The following TTC39A variants were observed in gnomAD, a reference collection of about 807,000 sequenced individuals.
TTC39A encodes the protein tetratricopeptide repeat domain 39A.
Under a neutral mutation model 82.3 loss-of-function variants are expected in TTC39A, and 46 were observed. The observed-to-expected ratio is 0.56, with a 90% CI of 0.44 to 0.71. The LOEUF (loss-of-function observed/expected upper bound fraction) is 0.71, where lower values mean the gene tolerates loss of function less well. Ranked by LOEUF, TTC39A falls within the 30% of genes least tolerant of loss-of-function variation. TTC39A has a pLI of 0.00. For missense variants in TTC39A, 543 were observed against 712.9 expected (o/e 0.76, Z 2.71); for synonymous variants, 254 against 275.2 (o/e 0.92, Z 0.76).
intron 1 of TTC39A, chr1:51,343,044 G>A (rs1256379241): frequency 4.4e-6 from 2 of 456,280 alleles, no homozygotes; most frequent in Non-Finnish European, 8.8e-6. Flanking sequence ...CCCACAGGAC[G>A]ATGCACAACT....
rs368753658 is a variant in TTC39A at position 51,302,463 on chromosome 1, G to A, written c.831+43C>T. ...TCCGTGTGGGTCCGTGGGGTCTGTG[G>A]GTGTTTGTGGGCTGGGGGTACCGGG... On this transcript the variant is annotated intron_variant, in intron 10 of 17. Coordinates refer to ENST00000680483, the MANE Select transcript of TTC39A (RefSeq NM_001297663.2). 5.0e-6 allele frequency: 8 copies of A among 1,606,614 alleles called. No homozygotes were observed. In the East Asian group the frequency reaches 9.0e-5, roughly 18 times the overall value.
rs542409941 is a variant in TTC39A, at chr1:51,319,461, C to A, written c.146+2260G>T. ...AAGAGCACTTCCCAGAACTGAGAAC[C>A]CGCATAACAATCCAGGATAAAAAAG... On this transcript the variant is annotated intron_variant, in intron 2 of 17. Transcript: ENST00000680483. Among the ~76,000 whole-genome samples the A allele has an allele frequency of 4.0e-4, 61 of 152,170 alleles. 1 individual carries two copies. In the South Asian group the frequency reaches 9.1e-3, roughly 23 times the overall value.
intron 1 of TTC39A, among the ~76,000 whole-genome samples, chr1:51,328,342 C>G (rs1040868315): frequency 2.1e-5 from 3 of 145,110 alleles, no homozygotes; most frequent in Non-Finnish European, 4.5e-5. Context: ...CTTCGACATC[C>G]ATCAAGAAGG....
Position 51,309,328 on chromosome 1 carries a change from G to A in TTC39A, c.424-3C>T, listed in dbSNP as rs1644993430. 3 of 1,612,928 alleles carry A rather than the reference G, an allele frequency of 1.9e-6. No individual in the cohort carries two copies. Among genetic ancestry groups the A allele is most frequent in the African/African-American group, 1.3e-5 (1 of 74,934 alleles). ...ATGAAGCTCACCATGTTCTCGTCCT[G>A]CAGGAGGAAAAGATGCTGACGGCCT... On this transcript the variant is annotated splice_polypyrimidine_tract_variant and splice_region_variant and intron_variant, in intron 5 of 17. Coordinates refer to ENST00000680483, the MANE Select transcript of TTC39A (RefSeq NM_001297663.2).
At chr1:51,317,768 A>C (rs1269500259) in intron 2 of TTC39A, among the ~76,000 whole-genome samples, 1 of 152,204 alleles carries the variant, frequency 6.6e-6, no homozygotes, top group Non-Finnish European at 1.5e-5. Context: ...ACAAACAAAC[A>C]AAAAGAAAAA....
At chr1:51,320,897 G>A (rs1209337471) in intron 2 of TTC39A, among the ~76,000 whole-genome samples, 2 of 134,184 alleles carry the variant, frequency 1.5e-5, no homozygotes, top group Non-Finnish European at 1.5e-5. Flanking sequence ...TTTTGAGACA[G>A]AGTCTTGCTC....
intron 7 of TTC39A, 94 bp from the exon 8 acceptor site, chr1:51,305,240 C>T (rs1644826822): frequency 1.0e-5 from 13 of 1,294,134 alleles, no homozygotes; most frequent in East Asian, 2.4e-5. Context: ...ACAGGCTTTA[C>T]CTGGAGGGGA....
At chr1:51,327,471 A>C (rs1451422769) in intron 1 of TTC39A, among the ~76,000 whole-genome samples, 1 of 152,182 alleles carries the variant, frequency 6.6e-6, no homozygotes, top group East Asian at 1.9e-4. Context: ...GTGGCCTGCA[A>C]GAGTTCTGAA....
intron 1 of TTC39A, chr1:51,344,914 C>T: frequency 6.7e-7 from 1 of 1,499,762 alleles, no homozygotes; most frequent in Non-Finnish European, 8.9e-7. Flanking sequence ...AGCTGTTTCC[C>T]CGACGTCGGC....
At chr1:51,298,998 G>C (rs1378673767) in intron 12 of TTC39A, 2 of 152,258 alleles carry the variant, frequency 1.3e-5, no homozygotes. Context: ...GGTCAGGGTG[G>C]TGAGAAAAAT....
Position 51,294,367 on chromosome 1 carries a change from C to A in TTC39A, c.1266+24G>T. 6.2e-7 allele frequency: 1 copy of A among 1,613,804 alleles called. No individual in the cohort carries two copies. Among genetic ancestry groups the A allele is most frequent in the Non-Finnish European group, 8.5e-7 (1 of 1,179,844 alleles). ...CCACAATCCTATACCCGGAGGGCAGCGCCAGTCCAGACCTCCTACCCACCA... is the reference window on the plus strand; with the variant it reads ...CCACAATCCTATACCCGGAGGGCAGAGCCAGTCCAGACCTCCTACCCACCA... On this transcript the variant is annotated intron_variant, in intron 14 of 17. Coordinates refer to ENST00000680483, the MANE Select transcript of TTC39A (RefSeq NM_001297663.2). The surrounding 1 kb of genome is among the most constrained non-coding windows in gnomAD (Gnocchi z 4.3).
chr1:51,336,921 G>A (rs1215398969), intron 1 of TTC39A, among the ~76,000 whole-genome samples: 1 of 152,178 alleles, frequency 6.6e-6, no homozygotes, highest in Non-Finnish European at 1.5e-5. Flanking sequence ...ACTTTGAGAG[G>A]CCAAGGCGGG....
intron 14 of TTC39A, among the ~76,000 whole-genome samples, chr1:51,291,812 A>C (rs1474645128): frequency 6.6e-6 from 1 of 151,742 alleles, no homozygotes; most frequent in African/African-American, 2.4e-5. Flanking sequence ...TCTCAAAAAA[A>C]AAAAAAAAAT....
chr1:51,307,539 G>C (rs1644915704), intron 6 of TTC39A, among the ~76,000 whole-genome samples: 1 of 152,040 alleles, frequency 6.6e-6, no homozygotes, highest in African/African-American at 2.4e-5. Context: ...TTCGAGACCA[G>C]CCTGGCCAAT....
chr1:51,313,547 C>T (rs1422912159), intron 2 of TTC39A, among the ~76,000 whole-genome samples: 2 of 152,186 alleles, frequency 1.3e-5, no homozygotes, highest in Non-Finnish European at 2.9e-5. Context: ...GCTCTGCCCA[C>T]CTCTCCAGCC....
At chr1:51,309,509 G>A in intron 5 of TTC39A, 184 bp from the exon 6 acceptor site, 1 of 1,396,764 alleles carries the variant, frequency 7.2e-7, no homozygotes, top group South Asian at 1.6e-5. Flanking sequence ...AATGCCCAGG[G>A]TTGGACCAGC....
At chr1:51,311,162 G>T in intron 5 of TTC39A, 92 bp downstream of exon 5, 1 of 1,217,672 alleles carries the variant, frequency 8.2e-7, no homozygotes, top group Non-Finnish European at 1.1e-6. Flanking sequence ...TATGGGGGAT[G>T]GGTCACAGTT....
At chr1:51,329,122 G>C (rs1356600222) in intron 1 of TTC39A, among the ~76,000 whole-genome samples, 1 of 152,202 alleles carries the variant, frequency 6.6e-6, no homozygotes, top group African/African-American at 2.4e-5. Flanking sequence ...GGTTGTAGAG[G>C]GCACTTAGGC....
intron 8 of TTC39A, among the ~76,000 whole-genome samples, chr1:51,303,591 T>C (rs534280691): frequency 5.9e-5 from 9 of 152,280 alleles, no homozygotes; most frequent in Middle Eastern, 6.8e-3. Flanking sequence ...TGGGAAGGCT[T>C]CCTGGGGGAG....
Sources: gnomAD v4.1 joint callset for allele counts (sites outside exome capture counted in the v4.1 genomes callset) on GRCh38, gnomAD v4.1.1 for gene constraint, Gnocchi (gnomAD v3.1) non-coding constraint, MANE v1.5 for transcripts, NCBI Gene and HGNC (gene_info 2026-07-23, HGNC 2026-07-21) for gene names.